EP300: variants seen among roughly 807,000 people sequenced by gnomAD.
The protein encoded by EP300 is histone acetyltransferase p300.
A neutral mutation model predicts 264.0 loss-of-function variants in EP300; 31 were observed. That is an observed-to-expected ratio of 0.12 (90% CI 0.09 to 0.16). EP300 has a LOEUF of 0.16. Ranked by LOEUF, EP300 falls within the 10% of genes least tolerant of loss-of-function variation. The probability of loss-of-function intolerance (pLI) is 1.00; values close to 1 mark genes in which losing one functional copy is unlikely to be tolerated. For missense variants in EP300, 2,766 were observed against 3,052.9 expected (o/e 0.91, Z 2.21); for synonymous variants, 1,340 against 1,045.4 (o/e 1.28, Z -5.44).
At chr22:41,104,194 A>G (rs2058745907) in intron 1 of EP300, among the ~76,000 whole-genome samples, 1 of 152,184 alleles carries the variant, frequency 6.6e-6, no homozygotes, top group Non-Finnish European at 1.5e-5. Context: ...AGTGACAGTT[A>G]AGTTAGCACA....
chr22:41,175,950 C>T (rs1027279838), intron 29 of EP300: 3 of 431,174 alleles, frequency 7.0e-6, no homozygotes, highest in Non-Finnish European at 1.3e-5. Flanking sequence ...CCTGCTGTAC[C>T]TGCTCACACC....
At chr22:41,143,174 G>T (rs531202108) in intron 10 of EP300, among the ~76,000 whole-genome samples, 93 of 152,218 alleles carry the variant, frequency 6.1e-4, no homozygotes, top group Non-Finnish European at 1.0e-3. Context: ...AAGTGGTCGG[G>T]CATGGTGGTG....
chr22:41,169,306 A>G, intron 25 of EP300, 197 bp from the exon 26 acceptor site: 1 of 604,484 alleles, frequency 1.7e-6, no homozygotes, highest in Non-Finnish European at 2.9e-6. Flanking sequence ...CTACAAATAG[A>G]AGGAAACCAC....
At chr22:41,170,265 C>A (rs1198086329) in intron 26 of EP300, 141 bp from the exon 27 acceptor site, 1 of 742,792 alleles carries the variant, frequency 1.3e-6, no homozygotes, top group Non-Finnish European at 2.2e-6. Context: ...CAATGTTAAT[C>A]TCATTCTGGG....
intron 2 of EP300, among the ~76,000 whole-genome samples, chr22:41,125,275 C>T (rs1365221727): frequency 6.6e-6 from 1 of 151,702 alleles, no homozygotes; most frequent in Non-Finnish European, 1.5e-5. Context: ...CCCGCCACCA[C>T]ACCCGGCTAA....
At chr22:41,121,941 A>G (rs1412097061) in intron 2 of EP300, among the ~76,000 whole-genome samples, 2 of 151,652 alleles carry the variant, frequency 1.3e-5, no homozygotes, top group African/African-American at 4.8e-5. Context: ...AGGTTAAACA[A>G]CTCCCCCATG....
chr22:41,177,213 C>T lies in EP300; in HGVS notation c.5502C>T (p.Ser1834=), dbSNP rs2145516130. The change falls in exon 31 of 31, where the codon AGC becomes AGT. Residue 1834 remains serine (S), a synonymous_variant. Transcript: ENST00000263253. Reference sequence around the variant, plus strand: ...AAATGCTTCGCAGGAGGATGGCCAGCATGCAGCGGACTGGTGTGGTTGGGC... The same window carrying T: ...AAATGCTTCGCAGGAGGATGGCCAGTATGCAGCGGACTGGTGTGGTTGGGC... ...QAQMLRRRMA[S]MQRTGVVGQQ... The T allele has an allele frequency of 6.2e-7, 1 of 1,614,158 alleles. No homozygotes were observed. Among genetic ancestry groups the T allele is most frequent in the Non-Finnish European group, 8.5e-7 (1 of 1,180,024 alleles).
intron 22 of EP300, among the ~76,000 whole-genome samples, chr22:41,164,780 G>C: frequency 6.6e-6 from 1 of 152,200 alleles, no homozygotes; most frequent in East Asian, 1.9e-4. Context: ...GGCATGAATA[G>C]GTCTGGCCCT....
At chr22:41,120,683 A>G (rs1014169694) in intron 2 of EP300, among the ~76,000 whole-genome samples, 1 of 152,130 alleles carries the variant, frequency 6.6e-6, no homozygotes, top group Non-Finnish European at 1.5e-5. Context: ...CCCAATCTTT[A>G]GATTCAGCAT....
intron 19 of EP300, chr22:41,158,800 T>G (rs2059091894): frequency 2.0e-5 from 8 of 392,812 alleles, no homozygotes; most frequent in Admixed American, 2.0e-4. Flanking sequence ...TACTGTGTGT[T>G]TGTTGATCAC....
intron 1 of EP300, among the ~76,000 whole-genome samples, chr22:41,103,669 T>C (rs967486728): frequency 1.3e-5 from 2 of 152,166 alleles, no homozygotes; most frequent in Non-Finnish European, 2.9e-5. Flanking sequence ...CGCTGTGTGA[T>C]AGGGTTTTTC....
Position 41,141,056 on chromosome 22 carries a change from C to T in EP300, c.1887C>T (p.Tyr629=), listed in dbSNP as rs144594889. 16 of 1,613,730 alleles carry T rather than the reference C, an allele frequency of 9.9e-6. No homozygotes were observed. The highest frequency in any genetic ancestry group is 1.4e-5 in the Non-Finnish European group (16 of 1,179,892). Residue 629 remains tyrosine (Y), a synonymous_variant, in exon 10 of 31, where the codon TAC becomes TAT. Transcript: ENST00000263253. ...CTTCAACAATTCAAAAGGCGGAATA[C>T]TACCACCTTCTAGCTGAGAAAATCT... ...MYESANNRAE[Y]YHLLAEKIYK...
At chr22:41,099,326 C>T (rs555723036) in intron 1 of EP300, among the ~76,000 whole-genome samples, 3 of 152,258 alleles carry the variant, frequency 2.0e-5, no homozygotes, top group South Asian at 2.1e-4. Flanking sequence ...AGCCACCGCG[C>T]CCGGCCTGTT....
At chr22:41,152,507 TTTTC>T (rs1218333603) in intron 16 of EP300, among the ~76,000 whole-genome samples, 157 bp downstream of exon 16, 2 of 151,826 alleles carry the variant, frequency 1.3e-5, no homozygotes, top group African/African-American at 2.4e-5. Context: ...TACTAATAAT[TTTTC>T]TTTCTTTTTT....
intron 1 of EP300, among the ~76,000 whole-genome samples, chr22:41,098,009 T>G (rs1421887848): frequency 6.6e-6 from 1 of 152,008 alleles, no homozygotes; most frequent in African/African-American, 2.4e-5. Flanking sequence ...TTTTTTTTTT[T>G]TTTAATACTT....
intron 1 of EP300, among the ~76,000 whole-genome samples, chr22:41,112,358 T>TTTTTG (rs1262427329): frequency 1.3e-5 from 2 of 151,796 alleles, no homozygotes; most frequent in South Asian, 2.1e-4. Context: ...CCCAGCTAAT[T>TTTTTG]TTTTGTTTTG....
chr22:41,144,816 T>C (rs2059001819), intron 10 of EP300, among the ~76,000 whole-genome samples: 1 of 152,230 alleles, frequency 6.6e-6, no homozygotes, highest in Non-Finnish European at 1.5e-5. Flanking sequence ...GTTTTATTTT[T>C]AAACCATTTT....
At position 41,092,936 on chromosome 22, in the gene EP300, C is replaced by T. The variant is rs1037539679; in HGVS notation, c.-69C>T. ...CCCACCCCTGGGTGCGGCGCGGGGACCCCGGGCCGAAGAAGAGATTTCCTG... is the reference window on the plus strand; with the variant it reads ...CCCACCCCTGGGTGCGGCGCGGGGATCCCGGGCCGAAGAAGAGATTTCCTG... On this transcript the variant is annotated 5_prime_UTR_variant, in exon 1 of 31. Transcript: ENST00000263253. 1.5e-5 allele frequency: 23 copies of T among 1,582,190 alleles called. No homozygotes were observed. The highest frequency in any genetic ancestry group is 1.7e-5 in the Non-Finnish European group (20 of 1,151,956).
Position 41,117,602 on chromosome 22 carries a change from T to A in EP300, c.510T>A (p.Asn170Lys). The A allele has an allele frequency of 6.2e-7, 1 of 1,614,174 alleles. No homozygotes were observed. The highest frequency in any genetic ancestry group is 8.5e-7 in the Non-Finnish European group (1 of 1,180,032). The change falls in exon 2 of 31, where the codon AAT becomes AAA. Residue 170 changes from asparagine (N) to lysine (K), a missense_variant. Asn to Lys is a moderately conservative substitution (Grantham distance 94). Transcript: ENST00000263253. ...QPAMGMNTGMNAGMNPGMLAA... is the reference protein window; with the variant it reads ...QPAMGMNTGMKAGMNPGMLAA... ...CCATGGGAATGAACACAGGGATGAA[T>A]GCGGGCATGAATCCTGGAATGTTGG...
Sources: allele counts gnomAD v4.1 joint callset (sites outside exome capture counted in the v4.1 genomes callset), GRCh38; gene constraint gnomAD v4.1.1; transcripts MANE v1.5; gene names NCBI Gene and HGNC (gene_info 2026-07-23, HGNC 2026-07-21).